Variants in TBL1X observed in about 807,000 individuals in gnomAD.
TBL1X encodes the protein F-box-like/WD repeat-containing protein TBL1X.
A neutral mutation model predicts 50.7 loss-of-function variants in TBL1X; 10 were observed. The observed-to-expected ratio is 0.20, with a 90% confidence interval of 0.12 to 0.33. The LOEUF (loss-of-function observed/expected upper bound fraction) is 0.33. Among genes scored for constraint, TBL1X ranks in the 10% least tolerant of loss-of-function variants. TBL1X has a pLI of 1.00. For missense variants in TBL1X, 340 were observed against 504.4 expected (o/e 0.67, Z 3.12); for synonymous variants, 190 against 214.7 (o/e 0.88, Z 1.01).
chrX:9,716,346 G>C lies in TBL1X; in HGVS notation c.*100G>C. ...CCAAAACTGTAGGAACTTGACTTGC[G>C]TTAGAGTGTACTCTGAAACCAACTC... On this transcript the variant is annotated 3_prime_UTR_variant, in exon 18 of 18. Coordinates refer to ENST00000645353, the MANE Select transcript of TBL1X (RefSeq NM_005647.4). 1.1e-6 allele frequency: 1 copy of C among 910,933 alleles called. No homozygotes were observed. The highest frequency in any genetic ancestry group is 1.5e-6 in the Non-Finnish European group (1 of 647,775). 75.1% of individuals were successfully genotyped at this position (910,933 alleles called of 1,213,427 possible).
chrX:9,477,850 G>A (rs1017181984), intron 1 of TBL1X, among the ~76,000 whole-genome samples: 1 of 111,346 alleles, frequency 9.0e-6, no homozygotes, highest in African/African-American at 3.3e-5. Context: ...CTCCAGCCAC[G>A]GGCCACCATG....
Position 9,495,924 on chromosome X carries a change from A to C in TBL1X, c.-200-5856A>C, listed in dbSNP as rs60861125. Among the ~76,000 whole-genome samples the C allele has an allele frequency of 5.1e-3, 576 of 112,352 alleles. 5 individuals are homozygous for C. The highest frequency in any genetic ancestry group is 0.018 in the African/African-American group (556 of 30,948). ...ATTTGGTGACACAGCCACACGCTGC[A>C]TGTTTGAGAATGACCATGAAAGCGC... is the stretch of plus-strand genomic sequence containing the variant. On this transcript the variant is annotated intron_variant, in intron 1 of 17. Transcript: ENST00000645353.
At chrX:9,565,599 C>T (rs1006537447) in intron 2 of TBL1X, among the ~76,000 whole-genome samples, 4 of 111,270 alleles carry the variant, frequency 3.6e-5, no homozygotes, top group East Asian at 2.8e-4. Flanking sequence ...GAGGCCGAAG[C>T]GGGAACGTCA....
At chrX:9,548,022 G>C (rs1223605802) in intron 2 of TBL1X, among the ~76,000 whole-genome samples, 1 of 104,983 alleles carries the variant, frequency 9.5e-6, no homozygotes, top group Non-Finnish European at 1.9e-5. Context: ...TTTTACGTTG[G>C]TGCTGCCACC....
intron 2 of TBL1X, among the ~76,000 whole-genome samples, chrX:9,525,457 G>A (rs1476438612): frequency 8.9e-6 from 1 of 111,990 alleles, no homozygotes; most frequent in South Asian, 3.7e-4. Context: ...CAAATACCGC[G>A]GGAACACTGG....
intron 2 of TBL1X, among the ~76,000 whole-genome samples, chrX:9,608,480 A>C (rs2082595265): frequency 9.0e-6 from 1 of 111,664 alleles, no homozygotes; most frequent in Non-Finnish European, 1.9e-5. Context: ...GGGATCCTTT[A>C]TTCCTAGTTT....
chrX:9,568,947 C>A (rs1292556382), intron 2 of TBL1X, among the ~76,000 whole-genome samples: 1 of 100,634 alleles, frequency 9.9e-6, no homozygotes, highest in Admixed American at 1.1e-4. Flanking sequence ...CTGCACGGTG[C>A]ACTGTGTGTG....
intron 2 of TBL1X, among the ~76,000 whole-genome samples, chrX:9,566,728 T>C (rs2082353377): frequency 1.0e-5 from 1 of 97,011 alleles, no homozygotes; most frequent in African/African-American, 3.9e-5. Flanking sequence ...TGCATTCCAG[T>C]GCTCAGGTGG....
chrX:9,692,033 C>T, intron 8 of TBL1X, 80 bp from the exon 9 acceptor site: 1 of 1,196,213 alleles, frequency 8.4e-7, no homozygotes, highest in Non-Finnish European at 1.1e-6. Flanking sequence ...AAGATGCCCT[C>T]TGGCCAGAGA....
intron 2 of TBL1X, among the ~76,000 whole-genome samples, chrX:9,561,724 G>C (rs995116711): frequency 2.0e-4 from 23 of 112,228 alleles, no homozygotes; most frequent in Non-Finnish European, 1.9e-5. Flanking sequence ...CCAGTTCTTG[G>C]ATTAGCTGAT....
In TBL1X at chrX:9,688,176, A is replaced by G. The variant is rs902093476; in HGVS notation, c.517A>G (p.Thr173Ala). The change falls in exon 7 of 18, where the codon ACA becomes GCA. Residue 173 changes from threonine (T) to alanine (A), a missense_variant. Thr to Ala is a moderately conservative substitution (Grantham distance 58, BLOSUM62 0). Transcript: ENST00000645353. The stretch of plus-strand genomic sequence containing the variant: ...GGCGGCTGCGGCCACGGCAGCAGCG[A>G]CAGCAGCCACCACGACCTCAGCCGG... ...AAAAAATAAATAATTTSAGVS... is the reference protein window; with the variant it reads ...AAAAAATAAAAAATTTSAGVS... The G allele has an allele frequency of 1.7e-6, 2 of 1,198,118 alleles. No homozygotes were observed. The highest frequency in any genetic ancestry group is 3.0e-5 in the East Asian group (1 of 33,067).
In TBL1X at chrX:9,613,631, T is replaced by C. The variant is rs534151496; in HGVS notation, c.-130-26642T>C. Among the ~76,000 whole-genome samples the C allele has an allele frequency of 8.1e-5, 9 of 111,752 alleles. No individual in the cohort carries two copies. In the South Asian group the frequency reaches 3.3e-3, roughly 42 times the overall value. The stretch of plus-strand genomic sequence containing the variant: ...TAAAAGATCTCAGTAATTTTTTAAA[T>C]AGAATACAAGTTGAAATGATACTAT... On this transcript the variant is annotated intron_variant, in intron 2 of 17. Coordinates refer to ENST00000645353, the MANE Select transcript of TBL1X (RefSeq NM_005647.4).
intron 12 of TBL1X, among the ~76,000 whole-genome samples, chrX:9,697,949 G>C (rs1250635897): frequency 9.0e-6 from 1 of 111,382 alleles, no homozygotes; most frequent in African/African-American, 3.3e-5. Context: ...GTCGGGTGTT[G>C]TGGTACACAC....
chrX:9,536,733 T>G (rs1340796670), intron 2 of TBL1X, among the ~76,000 whole-genome samples: 1 of 111,825 alleles, frequency 8.9e-6, no homozygotes, highest in Non-Finnish European at 1.9e-5. Context: ...CGCATGTTAC[T>G]CTTAAATTGG....
rs2083281904 is a variant in TBL1X at position 9,716,860 on chromosome X, CT to C, written c.*615del. 1 of 111,154 alleles carries C rather than the reference CT, an allele frequency of 9.0e-6. No individual in the cohort carries two copies. The highest frequency in any genetic ancestry group is 3.3e-5 in the African/African-American group (1 of 30,449). 9.2% of individuals were successfully genotyped at this position (111,154 alleles called of 1,213,427 possible). The stretch of plus-strand genomic sequence containing the variant: ...GGGGGCCTTCCGTCTGAGATGGAAG[CT>C]GTCTTGGGCTTGTTGTCTCTTCCTT... On this transcript the variant is annotated 3_prime_UTR_variant, in exon 18 of 18. Transcript: ENST00000645353.
intron 2 of TBL1X, among the ~76,000 whole-genome samples, chrX:9,631,743 AGG>A (rs770236374): frequency 7.1e-5 from 8 of 112,872 alleles, no homozygotes; most frequent in Non-Finnish European, 1.3e-4. Flanking sequence ...TATATGGAAA[AGG>A]ATTCTTTTAA....
intron 2 of TBL1X, among the ~76,000 whole-genome samples, chrX:9,619,729 A>T (rs2082657254): frequency 8.9e-6 from 1 of 111,767 alleles, no homozygotes; most frequent in African/African-American, 3.3e-5. Context: ...GCTTTGGGAG[A>T]TGGTGTAGGC....
At position 9,654,941 on chromosome X, in the gene TBL1X, A is replaced by G. The variant is rs148136044; in HGVS notation, c.211+619A>G. Among the ~76,000 whole-genome samples the G allele has an allele frequency of 1.9e-3, 216 of 111,011 alleles. 1 individual carries two copies. The highest frequency in any genetic ancestry group is 6.4e-3 in the African/African-American group (194 of 30,522). On this transcript the variant is annotated intron_variant, in intron 5 of 17. Transcript: ENST00000645353. ...CAGGGCTTGGGTTCTAACTTAGAAG[A>G]TATGTAATTTAAGACCTACAAAATG...
At chrX:9,642,945 G>A (rs2082783530) in intron 3 of TBL1X, among the ~76,000 whole-genome samples, 1 of 112,495 alleles carries the variant, frequency 8.9e-6, no homozygotes, top group East Asian at 2.8e-4. Context: ...CTTTTGAGTT[G>A]GAGGCCACCT....
Sources: allele counts gnomAD v4.1 joint callset (sites outside exome capture counted in the v4.1 genomes callset), GRCh38; gene constraint gnomAD v4.1.1; transcripts MANE v1.5; gene names NCBI Gene and HGNC (gene_info 2026-07-23, HGNC 2026-07-21).